Variants in SCP2 observed in about 807,000 individuals in gnomAD.
SCP2 encodes SCP-2/3-oxoacyl-CoA thiolase.
A neutral mutation model predicts 71.4 loss-of-function variants in SCP2; 48 were observed. The observed-to-expected ratio is 0.67, with a 90% CI of 0.53 to 0.86. The LOEUF is 0.86. SCP2 is among the 40% of genes least tolerant of loss of function. The pLI, the probability that SCP2 is intolerant of heterozygous loss-of-function variation, is 0.00. For missense variants in SCP2, 560 were observed against 655.6 expected (o/e 0.85, Z 1.59); for synonymous variants, 220 against 218.1 (o/e 1.01, Z -0.08).
At position 52,978,340 on chromosome 1, in the gene SCP2, G is replaced by A. The variant is rs148510961; in HGVS notation, c.798G>A (p.Ser266=). The change falls in exon 9 of 16, where the codon TCG becomes TCA. Residue 266 remains serine, a synonymous_variant. Transcript: ENST00000371514. The part of the protein sequence containing the change: ...AQEMMTDLPS[S]FEEKSIIKMV... ...AAATGATGACTGATTTGCCAAGCTC[G>A]TTTGAAGAAAAAAGCATTATTAAAA... The A allele has an allele frequency of 1.7e-5, 28 of 1,613,874 alleles. No individual in the cohort carries two copies. Among genetic ancestry groups the A allele is most frequent in the Middle Eastern group, 1.7e-4 (1 of 6,060 alleles).
chr1:52,947,560 C>T (rs1654922329), intron 2 of SCP2, among the ~76,000 whole-genome samples: 1 of 152,172 alleles, frequency 6.6e-6, no homozygotes, highest in South Asian at 2.1e-4. Flanking sequence ...TCCTTAAGCT[C>T]TCTTTCTTGT....
intron 13 of SCP2, among the ~76,000 whole-genome samples, chr1:53,036,367 T>C (rs1366328637): frequency 6.7e-6 from 1 of 150,002 alleles, no homozygotes; most frequent in African/African-American, 2.4e-5. Flanking sequence ...GTGAATAACA[T>C]TCTCATATCT....
chr1:52,941,148 T>A (rs1654201031), intron 1 of SCP2, among the ~76,000 whole-genome samples: 1 of 152,230 alleles, frequency 6.6e-6, no homozygotes. Flanking sequence ...TACTTCTAGA[T>A]CTTTACTCCA....
chr1:52,976,284 CTCT>C (rs1464411844), intron 7 of SCP2, among the ~76,000 whole-genome samples: 2 of 152,074 alleles, frequency 1.3e-5, no homozygotes, highest in African/African-American at 4.8e-5. Context: ...TCCAGCCTTC[CTCT>C]TCTTCTCAGA....
intron 11 of SCP2, among the ~76,000 whole-genome samples, chr1:53,012,320 C>G (rs1661036924): frequency 6.6e-6 from 1 of 152,174 alleles, no homozygotes; most frequent in Admixed American, 6.5e-5. Context: ...GCTTTTTGTC[C>G]AATCATATTT....
intron 6 of SCP2, among the ~76,000 whole-genome samples, chr1:52,964,127 A>G (rs942792438): frequency 3.3e-5 from 5 of 151,926 alleles, no homozygotes; most frequent in Non-Finnish European, 7.4e-5. Context: ...ACTTAATTAG[A>G]TAATGAATGT....
At chr1:52,986,229 C>CT (rs1026978847) in intron 10 of SCP2, among the ~76,000 whole-genome samples, 13 of 152,122 alleles carry the variant, frequency 8.5e-5, no homozygotes, top group African/African-American at 3.1e-4. Flanking sequence ...GATAACTTCC[C>CT]TTTGGAATCT....
chr1:53,048,158 C>T, intron 15 of SCP2: 1 of 510,732 alleles, frequency 2.0e-6, no homozygotes. Context: ...TCAGGGCATC[C>T]ACAGATGTGT....
chr1:53,020,838 C>A (rs1661666008), intron 12 of SCP2, among the ~76,000 whole-genome samples: 1 of 152,082 alleles, frequency 6.6e-6, no homozygotes, highest in East Asian at 1.9e-4. Context: ...GCTCTGAGGT[C>A]ATGGGGAGTA....
chr1:53,000,323 T>TA (rs1489121623), intron 11 of SCP2, among the ~76,000 whole-genome samples: 2 of 152,134 alleles, frequency 1.3e-5, no homozygotes, highest in African/African-American at 2.4e-5. Context: ...CTCTACTTTT[T>TA]AAAAAATCCA....
chr1:52,962,189 A>G lies in SCP2; in HGVS notation c.523+560A>G, dbSNP rs190468404. Among the ~76,000 whole-genome samples, 19 of 152,302 alleles carry G rather than the reference A, an allele frequency of 1.2e-4. No homozygotes were observed. In the East Asian group the frequency reaches 3.7e-3, roughly 29 times the overall value. ...AGTGTTGGGATTACAGGCGTGAGCCACCATGACTGGCCATGGACTATAAAT... is the reference window on the plus strand; with the variant it reads ...AGTGTTGGGATTACAGGCGTGAGCCGCCATGACTGGCCATGGACTATAAAT... On this transcript the variant is annotated intron_variant, in intron 6 of 15. Coordinates refer to ENST00000371514, the MANE Select transcript of SCP2 (RefSeq NM_002979.5).
chr1:52,969,501 C>T (rs1386996107), intron 6 of SCP2, among the ~76,000 whole-genome samples: 2 of 148,116 alleles, frequency 1.4e-5, no homozygotes, highest in Admixed American at 1.4e-4. Flanking sequence ...AGAGTGTGAC[C>T]CTGTTTTTGT....
chr1:53,046,688 T>G (rs1011714936), intron 14 of SCP2, among the ~76,000 whole-genome samples: 14 of 152,216 alleles, frequency 9.2e-5, no homozygotes, highest in African/African-American at 3.4e-4. Context: ...AAAATAATTT[T>G]ATTGGAACAT....
chr1:53,034,508 A>G (rs1203010385), intron 13 of SCP2, among the ~76,000 whole-genome samples: 1 of 152,148 alleles, frequency 6.6e-6, no homozygotes. Context: ...GGTTAATGAG[A>G]ATGCTCTAAA....
intron 8 of SCP2, among the ~76,000 whole-genome samples, chr1:52,977,394 G>A (rs1658073035): frequency 6.6e-6 from 1 of 152,170 alleles, no homozygotes; most frequent in Non-Finnish European, 1.5e-5. Flanking sequence ...GACTTCTTGT[G>A]TTTGCTACCT....
rs1430788168 is a variant in SCP2 at position 53,027,985 on chromosome 1, CA to C, written c.1255del (p.Ile419LeufsTer34). The C allele has an allele frequency of 1.2e-6, 2 of 1,603,594 alleles. No individual in the cohort carries two copies. Among genetic ancestry groups the C allele is most frequent in the African/African-American group, 2.7e-5 (2 of 74,672 alleles). ...TTTCCCCAGTTCTTTTAGAACTCAT[CA>C]AATTGAAGCTGTTCCAACCAGCTCT... ...PEAASSFRTH[Q>X]IEAVPTSSAS... On this transcript the variant is annotated frameshift_variant, in exon 13 of 16. Transcript: ENST00000371514. LOFTEE classifies it high-confidence loss of function.
intron 1 of SCP2, among the ~76,000 whole-genome samples, chr1:52,937,035 A>G (rs1188320532): frequency 6.6e-6 from 1 of 152,178 alleles, no homozygotes; most frequent in Non-Finnish European, 1.5e-5. Flanking sequence ...TTAATAAAGC[A>G]AACACCGAGA....
At chr1:52,964,557 A>T (rs977856934) in intron 6 of SCP2, among the ~76,000 whole-genome samples, 1 of 152,156 alleles carries the variant, frequency 6.6e-6, no homozygotes, top group Admixed American at 6.5e-5. Context: ...ATTGTAATAT[A>T]CTTTAAAAAT....
At chr1:52,999,290 A>G (rs1489948503) in intron 11 of SCP2, among the ~76,000 whole-genome samples, 2 of 152,246 alleles carry the variant, frequency 1.3e-5, no homozygotes, top group African/African-American at 4.8e-5. Context: ...GACAGTTATG[A>G]GTAGCTTAAA....
Sources: gnomAD v4.1 joint callset for allele counts (sites outside exome capture counted in the v4.1 genomes callset) on GRCh38, gnomAD v4.1.1 for gene constraint, MANE v1.5 for transcripts, NCBI Gene and HGNC (gene_info 2026-07-23, HGNC 2026-07-21) for gene names.